ATRNL1: variants seen among roughly 807,000 people sequenced by gnomAD.
ATRNL1 encodes attractin like 1, also known as attractin-like protein 1.
ATRNL1 carries 95 observed loss-of-function variants against 182.7 expected under a neutral mutation model. The observed-to-expected ratio is 0.52, with a 90% confidence interval of 0.44 to 0.62. The LOEUF (loss-of-function observed/expected upper bound fraction) is 0.62, where lower values mean the gene tolerates loss of function less well. ATRNL1 is among the 20% of genes least tolerant of loss of function. ATRNL1 has a pLI of 0.00. For missense variants in ATRNL1, 1,471 were observed against 1,679.5 expected, an observed-to-expected ratio of 0.88 and a Z score of 2.17; for synonymous variants, 576 against 568.3, an observed-to-expected ratio of 1.01 and a Z score of -0.19.
intron 28 of ATRNL1, among the ~76,000 whole-genome samples, chr10:115,890,792 A>C (rs1310589885): frequency 6.6e-6 from 1 of 152,176 alleles, no homozygotes; most frequent in Non-Finnish European, 1.5e-5. Context: ...AGTGTCTGAC[A>C]CCTTCGGTTT....
At chr10:115,840,398 CAA>C (rs569742453) in intron 27 of ATRNL1, among the ~76,000 whole-genome samples, 119 of 152,236 alleles carry the variant, frequency 7.8e-4, no homozygotes, top group Non-Finnish European at 1.3e-4. Flanking sequence ...AATTCCAAAG[CAA>C]AGTGAAAACT....
chr10:115,435,793 T>A (rs2134428487), intron 21 of ATRNL1, among the ~76,000 whole-genome samples: 1 of 152,188 alleles, frequency 6.6e-6, no homozygotes, highest in East Asian at 1.9e-4. Flanking sequence ...TTATCTCAGT[T>A]GATTTCTGTT....
At chr10:115,330,024 T>G (rs2134060767) in intron 18 of ATRNL1, among the ~76,000 whole-genome samples, 1 of 152,292 alleles carries the variant, frequency 6.6e-6, no homozygotes, top group East Asian at 1.9e-4. Flanking sequence ...TTCTTGCTTT[T>G]TATTTTTAGT....
intron 28 of ATRNL1, among the ~76,000 whole-genome samples, chr10:115,921,513 T>C (rs1589697909): frequency 1.3e-5 from 1 of 78,572 alleles, no homozygotes. Context: ...TTACAATAAC[T>C]GTTAAGGTTC....
intron 28 of ATRNL1, among the ~76,000 whole-genome samples, chr10:115,871,469 T>TATATATATATATA (rs1951579875): frequency 6.4e-5 from 9 of 140,318 alleles, no homozygotes; most frequent in African/African-American, 2.1e-4. Flanking sequence ...GTCAGATTCT[T>TATATATATATATA]TGTGTGTGTG....
chr10:115,466,276 A>G (rs543783152), intron 22 of ATRNL1, among the ~76,000 whole-genome samples: 1 of 151,542 alleles, frequency 6.6e-6, no homozygotes, highest in African/African-American at 2.4e-5. Flanking sequence ...GAAGGAATTA[A>G]TATATTCTCT....
chr10:115,914,037 G>T (rs1029297862), intron 28 of ATRNL1, among the ~76,000 whole-genome samples: 1 of 152,128 alleles, frequency 6.6e-6, no homozygotes, highest in Non-Finnish European at 1.5e-5. Flanking sequence ...AGATCATGGG[G>T]TAGTTCCCCC....
At chr10:115,606,464 A>G (rs2804221) in intron 26 of ATRNL1, among the ~76,000 whole-genome samples, 147,980 of 152,106 alleles carry the variant, frequency 0.97, 72,141 homozygotes, top group East Asian at 1. Context: ...CATTAAGAGC[A>G]AATGTTTAAG....
At chr10:115,491,419 C>CA (rs1554976550) in intron 24 of ATRNL1, among the ~76,000 whole-genome samples, 1 of 149,402 alleles carries the variant, frequency 6.7e-6, no homozygotes, top group Non-Finnish European at 1.5e-5. Context: ...GGGCTGCTGC[C>CA]TTTTTTTTTT....
chr10:115,923,135 G>C (rs1465802464), intron 28 of ATRNL1, among the ~76,000 whole-genome samples: 2 of 152,162 alleles, frequency 1.3e-5, no homozygotes, highest in African/African-American at 4.8e-5. Context: ...TAATGATAGT[G>C]AAGTGGCTCT....
At chr10:115,540,288 A>G (rs560425740) in intron 25 of ATRNL1, among the ~76,000 whole-genome samples, 1 of 152,192 alleles carries the variant, frequency 6.6e-6, no homozygotes, top group East Asian at 1.9e-4. Context: ...CCCGGACTGA[A>G]CAGTGGGTAG....
At chr10:115,378,649 G>T (rs915494376) in intron 19 of ATRNL1, among the ~76,000 whole-genome samples, 2 of 152,138 alleles carry the variant, frequency 1.3e-5, no homozygotes, top group Admixed American at 6.6e-5. Flanking sequence ...TGAGATTGGG[G>T]ACCTGTTCAG....
chr10:115,608,813 T>C (rs1321940711), intron 26 of ATRNL1, among the ~76,000 whole-genome samples: 1 of 151,954 alleles, frequency 6.6e-6, no homozygotes, highest in African/African-American at 2.4e-5. Context: ...CTGTTTTCGC[T>C]GTCAAAAATA....
intron 14 of ATRNL1, among the ~76,000 whole-genome samples, chr10:115,285,705 A>G (rs1554918569): frequency 6.6e-6 from 1 of 152,056 alleles, no homozygotes; most frequent in African/African-American, 2.4e-5. Flanking sequence ...GTGAAATGAG[A>G]CTTCTCTACC....
chr10:115,094,652 G>A (rs1238795290), intron 1 of ATRNL1, among the ~76,000 whole-genome samples: 5 of 152,160 alleles, frequency 3.3e-5, no homozygotes, highest in African/African-American at 7.2e-5. Context: ...AACTCTGTGA[G>A]TTGCTAGAAT....
intron 28 of ATRNL1, among the ~76,000 whole-genome samples, chr10:115,896,070 TATC>T (rs1228574339): frequency 8.5e-5 from 13 of 152,118 alleles, no homozygotes; most frequent in African/African-American, 2.7e-4. Flanking sequence ...TCACTGTCAT[TATC>T]ATCATCATCA....
At chr10:115,105,531 G>A (rs1190158450) in intron 1 of ATRNL1, among the ~76,000 whole-genome samples, 3 of 152,220 alleles carry the variant, frequency 2.0e-5, no homozygotes, top group African/African-American at 4.8e-5. Flanking sequence ...CCCAGGCCAC[G>A]TCAGAGATCT....
At chr10:115,168,957 T>C (rs1484815849) in intron 7 of ATRNL1, among the ~76,000 whole-genome samples, 1 of 151,690 alleles carries the variant, frequency 6.6e-6, no homozygotes, top group African/African-American at 2.4e-5. Flanking sequence ...TTCTTGCATT[T>C]AGTTCTTTGA....
At chr10:115,910,732 C>G (rs1260930413) in intron 28 of ATRNL1, among the ~76,000 whole-genome samples, 1 of 152,186 alleles carries the variant, frequency 6.6e-6, no homozygotes, top group Non-Finnish European at 1.5e-5. Context: ...ACTACAGTGC[C>G]TGCCTGTTAG....
Sources: allele counts gnomAD v4.1 joint callset (sites outside exome capture counted in the v4.1 genomes callset), GRCh38; gene constraint gnomAD v4.1.1; transcripts MANE v1.5; gene names NCBI Gene and HGNC (gene_info 2026-07-23, HGNC 2026-07-21).